Variants in LRIG1 observed in about 807,000 individuals in gnomAD.
LRIG1 encodes the protein leucine-rich repeats and immunoglobulin-like domains protein 1.
LRIG1 carries 48 observed loss-of-function variants against 99.2 expected under a neutral mutation model. The observed-to-expected ratio is 0.48, with a 90% CI of 0.38 to 0.62. The LOEUF is 0.62. Among genes scored for constraint, LRIG1 ranks in the 20% least tolerant of loss-of-function variants. LRIG1 has a pLI of 0.00. For synonymous variants in LRIG1, 772 were observed against 596.1 expected, an observed-to-expected ratio of 1.29 and a Z score of -4.30; for missense variants, 1,646 against 1,434.4, an observed-to-expected ratio of 1.15 and a Z score of -2.38.
rs9830419 is a variant in LRIG1 at position 66,467,652 on chromosome 3, C to A, written c.219-5143G>T. ...CTGGGATTACAGGCGTGAGCCACCA[C>A]GCCCAGCCCACATTAGCTATATTTC... On this transcript the variant is annotated intron_variant, in intron 1 of 18. Transcript: ENST00000273261. Among the ~76,000 whole-genome samples the A allele has an allele frequency of 2.0e-5, 3 of 152,324 alleles. No homozygotes were observed. The South Asian group carries it at 6.2e-4, about 32-fold the overall frequency.
chr3:66,450,580 C>T (rs563698068), intron 3 of LRIG1, among the ~76,000 whole-genome samples: 1 of 152,280 alleles, frequency 6.6e-6, no homozygotes, highest in East Asian at 1.9e-4. Flanking sequence ...GAACACAGGG[C>T]ATGCTGCCAG....
At chr3:66,386,349 G>C (rs374302054) in intron 12 of LRIG1, 48 bp from the exon 13 acceptor site, 25 of 1,498,054 alleles carry the variant, frequency 1.7e-5, no homozygotes, top group Middle Eastern at 4.2e-4. Flanking sequence ...TTGGTACACA[G>C]AGGAACCAGC....
At chr3:66,382,809 A>G (rs1223136996) in intron 15 of LRIG1, among the ~76,000 whole-genome samples, 173 bp downstream of exon 15, 1 of 149,418 alleles carries the variant, frequency 6.7e-6, no homozygotes, top group Non-Finnish European at 1.5e-5. Context: ...ATTTGAGAGT[A>G]TTCCTGTTTA....
At chr3:66,423,544 C>G (rs926711570) in intron 3 of LRIG1, among the ~76,000 whole-genome samples, 3 of 152,206 alleles carry the variant, frequency 2.0e-5, no homozygotes, top group African/African-American at 7.2e-5. Flanking sequence ...GCACTCCAGC[C>G]TGGGCAACAA....
chr3:66,431,600 G>C (rs544559426), intron 3 of LRIG1, among the ~76,000 whole-genome samples: 26 of 152,338 alleles, frequency 1.7e-4, no homozygotes, highest in Non-Finnish European at 3.7e-4. Context: ...GGACTGGTCA[G>C]CAACTGGGGG....
intron 14 of LRIG1, among the ~76,000 whole-genome samples, chr3:66,383,764 G>A (rs1701224412): frequency 6.6e-6 from 1 of 151,434 alleles, no homozygotes; most frequent in African/African-American, 2.4e-5. Context: ...AAAATGTTCT[G>A]TAGCTAAACC....
chr3:66,479,659 G>C (rs1448658411), intron 1 of LRIG1, among the ~76,000 whole-genome samples: 2 of 152,192 alleles, frequency 1.3e-5, no homozygotes, highest in Non-Finnish European at 2.9e-5. Flanking sequence ...CTCCAAAGAA[G>C]ATATACACAT....
intron 8 of LRIG1, 89 bp downstream of exon 8, chr3:66,407,259 G>A (rs1297940474): frequency 4.9e-6 from 7 of 1,423,678 alleles, no homozygotes; most frequent in Admixed American, 3.5e-5. Context: ...CGAAGCCAAC[G>A]CAAATGGAGT....
intron 1 of LRIG1, chr3:66,469,181 A>C (rs1193730359): frequency 6.6e-6 from 1 of 152,238 alleles, no homozygotes; most frequent in African/African-American, 2.4e-5. Context: ...TAAGCTAAGC[A>C]GCCACATATT....
chr3:66,403,228 C>A (rs539783173), intron 9 of LRIG1, among the ~76,000 whole-genome samples: 1 of 152,286 alleles, frequency 6.6e-6, no homozygotes, highest in South Asian at 2.1e-4. Context: ...AGGCATCATA[C>A]CATTTTCTTT....
rs1701176696 is a variant in LRIG1 at position 66,383,077 on chromosome 3, G to A, written c.2396C>T (p.Ala799Val). Residue 799 changes from alanine (A) to valine (V), a missense_variant, in exon 15 of 19, where the codon GCT becomes GTT. Physicochemically the swap from Ala to Val is moderately conservative, Grantham distance 64. Coordinates refer to ENST00000273261, the MANE Select transcript of LRIG1 (RefSeq NM_015541.3). The stretch of plus-strand genomic sequence containing the variant: ...CGTCAGGACGATGCTGCTCACGACA[G>A]CAATGGTGAAGATGCCTACCGTGGT... ...DGTTVGIFTI[A>V]VVSSIVLTSL... is the part of the protein sequence containing the mutation. 3 of 1,614,246 alleles carry A rather than the reference G, an allele frequency of 1.9e-6. No homozygotes were observed. Among genetic ancestry groups the A allele is most frequent in the Non-Finnish European group, 1.7e-6 (2 of 1,180,046 alleles).
rs145020774 is a variant in LRIG1 at position 66,384,272 on chromosome 3, A to G, written c.1790T>C (p.Val597Ala). Residue 597 changes from valine to alanine, a missense_variant and splice_region_variant, in exon 14 of 19, where the codon GTG (valine) becomes GCG (alanine). Physicochemically the swap from Val to Ala is moderately conservative, Grantham distance 64. Coordinates refer to ENST00000273261, the MANE Select transcript of LRIG1 (RefSeq NM_015541.3). ...GGGCGTTTTGGTGAATGATGGCAAC[A>G]CTGGAAAACATACGTATACAGGGTC... The part of the protein sequence containing the change: ...YSHKARLTVN[V>A]LPSFTKTPHD... 2.3e-4 allele frequency: 369 copies of G among 1,610,108 alleles called. No individual in the cohort carries two copies. The African/African-American group carries it at 4.4e-3, about 19-fold the overall frequency.
intron 3 of LRIG1, among the ~76,000 whole-genome samples, chr3:66,430,330 C>T (rs1482735060): frequency 1.3e-5 from 2 of 152,124 alleles, no homozygotes; most frequent in South Asian, 2.1e-4. Flanking sequence ...ATGTCGAATA[C>T]GATGGATTTT....
intron 3 of LRIG1, among the ~76,000 whole-genome samples, chr3:66,442,434 A>G (rs1703570341): frequency 6.6e-6 from 1 of 152,240 alleles, no homozygotes; most frequent in South Asian, 2.1e-4. Context: ...AGCCACCTGC[A>G]GGAAGTGAGG....
intron 8 of LRIG1, chr3:66,406,200 G>A (rs576034085): frequency 6.4e-5 from 63 of 985,458 alleles, no homozygotes; most frequent in Admixed American, 3.1e-4. Flanking sequence ...GTCACAGCAG[G>A]AAGGTCAAAT....
chr3:66,427,988 G>C (rs531440140), intron 3 of LRIG1, among the ~76,000 whole-genome samples: 8 of 152,298 alleles, frequency 5.3e-5, no homozygotes, highest in Admixed American at 4.6e-4. Flanking sequence ...ATCACTGTAC[G>C]ATATTTCTAT....
chr3:66,387,154 G>A (rs1701415083), intron 12 of LRIG1: 1 of 150,964 alleles, frequency 6.6e-6, no homozygotes, highest in South Asian at 2.1e-4. Flanking sequence ...CAGCGCAGCT[G>A]TCTGAGGGGA....
intron 1 of LRIG1, among the ~76,000 whole-genome samples, chr3:66,478,945 G>T (rs1700785782): frequency 6.6e-6 from 1 of 152,146 alleles, no homozygotes; most frequent in South Asian, 2.1e-4. Flanking sequence ...TTGCTCTAAA[G>T]GAAACCACTG....
At chr3:66,494,770 A>T (rs1246100989) in intron 1 of LRIG1, among the ~76,000 whole-genome samples, 1 of 152,240 alleles carries the variant, frequency 6.6e-6, no homozygotes, top group Non-Finnish European at 1.5e-5. Context: ...TTTCAACTAG[A>T]AATTAGACCA....
Sources: allele counts gnomAD v4.1 joint callset (sites outside exome capture counted in the v4.1 genomes callset), GRCh38; gene constraint gnomAD v4.1.1; transcripts MANE v1.5; gene names NCBI Gene and HGNC (gene_info 2026-07-23, HGNC 2026-07-21).